CDKAL1: variants seen among roughly 807,000 people sequenced by gnomAD.
CDKAL1 encodes the protein threonylcarbamoyladenosine tRNA methylthiotransferase.
A neutral mutation model predicts 68.2 loss-of-function variants in CDKAL1; 32 were observed. That is an observed-to-expected ratio of 0.47 (90% CI 0.35 to 0.63). The LOEUF (loss-of-function observed/expected upper bound fraction) is 0.63, where lower values mean the gene tolerates loss of function less well. CDKAL1 is among the 30% of genes least tolerant of loss of function. The probability of loss-of-function intolerance (pLI) is 0.00; values close to 1 mark genes in which losing one functional copy is unlikely to be tolerated. For missense variants in CDKAL1, 606 were observed against 696.7 expected (o/e 0.87, Z 1.47); for synonymous variants, 234 against 244.3 (o/e 0.96, Z 0.39).
intron 8 of CDKAL1, among the ~76,000 whole-genome samples, chr6:20,825,939 ATTACT>A (rs1777485722): frequency 6.6e-6 from 1 of 151,556 alleles, no homozygotes; most frequent in South Asian, 2.1e-4. Flanking sequence ...TTTTGGGGGG[ATTACT>A]TTATTACATT....
At chr6:20,971,517 T>A (rs1260092777) in intron 10 of CDKAL1, among the ~76,000 whole-genome samples, 1 of 152,226 alleles carries the variant, frequency 6.6e-6, no homozygotes, top group Non-Finnish European at 1.5e-5. Flanking sequence ...ATTTCAGGGA[T>A]AATCAATTTC....
chr6:20,649,188 TC>T (rs1768628600), intron 4 of CDKAL1, 104 bp from the exon 5 acceptor site: 1 of 722,174 alleles, frequency 1.4e-6, no homozygotes, highest in Non-Finnish European at 2.4e-6. Flanking sequence ...TTCATTTTAC[TC>T]CACTGTTTTT....
intron 5 of CDKAL1, among the ~76,000 whole-genome samples, chr6:20,661,664 A>G (rs1769290675): frequency 6.6e-6 from 1 of 152,210 alleles, no homozygotes; most frequent in East Asian, 1.9e-4. Flanking sequence ...CAAATCAGCA[A>G]CAGAAAAAGC....
chr6:20,958,928 G>A (rs562757249), intron 10 of CDKAL1, among the ~76,000 whole-genome samples: 37 of 152,250 alleles, frequency 2.4e-4, no homozygotes, highest in African/African-American at 8.7e-4. Context: ...TAAAGGGAAA[G>A]TTATATAAAG....
At chr6:21,099,597 G>T (rs1315641890) in intron 12 of CDKAL1, among the ~76,000 whole-genome samples, 1 of 152,144 alleles carries the variant, frequency 6.6e-6, no homozygotes, top group Non-Finnish European at 1.5e-5. Context: ...CAGATAAGAG[G>T]TAAAGTTAAC....
At chr6:21,129,999 A>C (rs905565003) in intron 13 of CDKAL1, among the ~76,000 whole-genome samples, 34 of 152,236 alleles carry the variant, frequency 2.2e-4, no homozygotes, top group African/African-American at 7.5e-4. Flanking sequence ...CCTTGAAATT[A>C]TATTTGCTGA....
intron 4 of CDKAL1, among the ~76,000 whole-genome samples, chr6:20,604,242 G>T (rs1327661538): frequency 6.6e-6 from 1 of 152,062 alleles, no homozygotes; most frequent in African/African-American, 2.4e-5. Context: ...GGCAGGGTTG[G>T]GAGCTCTTCA....
intron 9 of CDKAL1, among the ~76,000 whole-genome samples, chr6:20,931,222 A>G (rs1241795326): frequency 6.6e-6 from 1 of 152,180 alleles, no homozygotes; most frequent in Non-Finnish European, 1.5e-5. Context: ...ATATATATGC[A>G]ATAGTTTTCT....
chr6:21,176,569 T>A (rs1004240034), intron 13 of CDKAL1, among the ~76,000 whole-genome samples: 8 of 152,032 alleles, frequency 5.3e-5, no homozygotes, highest in Non-Finnish European at 1.0e-4. Context: ...CGCCTGCACA[T>A]GAAGGATAGT....
chr6:20,613,631 A>G (rs1766751398), intron 4 of CDKAL1, among the ~76,000 whole-genome samples: 1 of 149,122 alleles, frequency 6.7e-6, no homozygotes, highest in Non-Finnish European at 1.5e-5. Flanking sequence ...TTTTGAGGAT[A>G]TGGGATATTT....
At chr6:21,230,367 G>A (rs1053729064) in intron 15 of CDKAL1, among the ~76,000 whole-genome samples, 2 of 152,166 alleles carry the variant, frequency 1.3e-5, no homozygotes, top group Non-Finnish European at 2.9e-5. Flanking sequence ...TCACCATGTT[G>A]GCCAGGCTGG....
At chr6:21,220,193 C>T (rs1474199893) in intron 15 of CDKAL1, among the ~76,000 whole-genome samples, 3 of 145,956 alleles carry the variant, frequency 2.1e-5, no homozygotes, top group Admixed American at 6.6e-5. Flanking sequence ...AAAGCTCGTG[C>T]GTGCGTGCGT....
intron 4 of CDKAL1, among the ~76,000 whole-genome samples, chr6:20,609,401 C>CTTTT (rs1168736535): frequency 0.19 from 9,570 of 49,404 alleles, 646 homozygotes; most frequent in East Asian, 0.36. Flanking sequence ...TCTTCTTCTT[C>CTTTT]TTTTTTTTTT....
At chr6:20,900,895 A>G (rs2150597667) in intron 9 of CDKAL1, among the ~76,000 whole-genome samples, 1 of 152,382 alleles carries the variant, frequency 6.6e-6, no homozygotes, top group African/African-American at 2.4e-5. Context: ...AGAGTTAAAT[A>G]CTAAAATGAA....
chr6:20,766,197 G>T (rs1338494616), intron 7 of CDKAL1, among the ~76,000 whole-genome samples: 1 of 152,026 alleles, frequency 6.6e-6, no homozygotes, highest in Non-Finnish European at 1.5e-5. Flanking sequence ...TCTGATCAAA[G>T]ATACATTTTT....
chr6:20,700,668 C>T (rs1214302113), intron 5 of CDKAL1, among the ~76,000 whole-genome samples: 1 of 152,132 alleles, frequency 6.6e-6, no homozygotes, highest in Non-Finnish European at 1.5e-5. Flanking sequence ...CCTTCTGCTA[C>T]AGAAAGATTC....
At chr6:21,128,165 G>GT (rs1775115154) in intron 13 of CDKAL1, among the ~76,000 whole-genome samples, 1 of 152,134 alleles carries the variant, frequency 6.6e-6, no homozygotes, top group African/African-American at 2.4e-5. Context: ...TGACCATCCT[G>GT]TTTTTACTCT....
At chr6:20,690,835 T>C (rs1359499788) in intron 5 of CDKAL1, among the ~76,000 whole-genome samples, 34 of 152,196 alleles carry the variant, frequency 2.2e-4, no homozygotes. Flanking sequence ...GAGCGGATTT[T>C]ACAGATGTCA....
intron 9 of CDKAL1, among the ~76,000 whole-genome samples, chr6:20,930,468 T>G (rs995161207): frequency 6.6e-6 from 1 of 152,202 alleles, no homozygotes; most frequent in Non-Finnish European, 1.5e-5. Context: ...AGAAGTAGTT[T>G]TTGTCTCCAA....
Sources: allele counts gnomAD v4.1 joint callset (sites outside exome capture counted in the v4.1 genomes callset), GRCh38; gene constraint gnomAD v4.1.1; transcripts MANE v1.5; gene names NCBI Gene and HGNC (gene_info 2026-07-23, HGNC 2026-07-21).